CLDN34: variants seen among roughly 807,000 people sequenced by gnomAD.
CLDN34 encodes the protein claudin-34.
For missense variants in CLDN34, 166 were observed against 171.5 expected (o/e 0.97, Z 0.18); for synonymous variants, 71 against 65.0 (o/e 1.09, Z -0.45).
chrX:9,968,077 C>G lies in CLDN34; in HGVS notation c.*75C>G. 2 of 977,115 alleles carry G rather than the reference C, an allele frequency of 2.0e-6. No individual in the cohort carries two copies. The highest frequency in any genetic ancestry group is 2.8e-6 in the Non-Finnish European group (2 of 710,226). The allele number at this position is 977,115 out of a possible 1,213,427, so 80.5% of individuals were successfully genotyped here. ...GGAAAATGTTATTAGCATGCTCTAC[C>G]AAATATTTCCAACGACTCAAGACCG... On this transcript the variant is annotated 3_prime_UTR_variant, in exon 1 of 1. Coordinates refer to ENST00000445307, the MANE Select transcript of CLDN34 (RefSeq NM_001195081.2).
rs1056156338 is a variant in CLDN34 at position 9,967,619 on chromosome X, A to G, written c.262A>G (p.Met88Val). The G allele has an allele frequency of 5.5e-5, 64 of 1,154,470 alleles. No homozygotes were observed. Among genetic ancestry groups the G allele is most frequent in the Non-Finnish European group, 7.3e-5 (64 of 872,791 alleles). Residue 88 changes from methionine to valine, a missense_variant, in exon 1 of 1, where the codon ATG becomes GTG. By Grantham distance (21) the Met-to-Val change is conservative. Coordinates refer to ENST00000445307, the MANE Select transcript of CLDN34 (RefSeq NM_001195081.2). ...CACCTTTCTCCCTTTTGAAATTTCC[A>G]TGGCTCAACGCTTCCTACTGACTGC... ...QDTFLPFEIS[M>V]AQRFLLTASI... is the part of the protein sequence containing the mutation.
chrX:9,968,077 C>A lies in CLDN34; in HGVS notation c.*75C>A. Reference sequence around the variant, plus strand: ...GGAAAATGTTATTAGCATGCTCTACCAAATATTTCCAACGACTCAAGACCG... The same window carrying A: ...GGAAAATGTTATTAGCATGCTCTACAAAATATTTCCAACGACTCAAGACCG... On this transcript the variant is annotated 3_prime_UTR_variant, in exon 1 of 1. Transcript: ENST00000445307. 1 of 977,103 alleles carries A rather than the reference C, an allele frequency of 1.0e-6. No homozygotes were observed. Among genetic ancestry groups the A allele is most frequent in the Non-Finnish European group, 1.4e-6 (1 of 710,216 alleles). 80.5% of individuals were successfully genotyped at this position (977,103 alleles called of 1,213,427 possible).
Position 9,968,169 on chromosome X carries a change from T to A in CLDN34, c.*167T>A. 1.9e-6 allele frequency: 1 copy of A among 518,219 alleles called. No individual in the cohort carries two copies. Among genetic ancestry groups the A allele is most frequent in the Non-Finnish European group, 3.4e-6 (1 of 293,139 alleles). 42.7% of individuals were successfully genotyped at this position (518,219 alleles called of 1,213,427 possible). On this transcript the variant is annotated 3_prime_UTR_variant, in exon 1 of 1. Coordinates refer to ENST00000445307, the MANE Select transcript of CLDN34 (RefSeq NM_001195081.2). The stretch of plus-strand genomic sequence containing the variant: ...TTCTGTTATCTTGTGTATCTGAATG[T>A]GGCTCACTGATTTGTTGGTTGAATT...
Position 9,967,672 on chromosome X carries a change from C to G in CLDN34, c.315C>G (p.Ala105=). The change falls in exon 1 of 1, where the codon GCC becomes GCG. Residue 105 remains alanine (A), a synonymous_variant. Coordinates refer to ENST00000445307, the MANE Select transcript of CLDN34 (RefSeq NM_001195081.2). ...GCATTTTCGGATTCTTCGGGAGAGCCTTTAACATGTTTGCACTTAGAAACA... is the reference window on the plus strand; with the variant it reads ...GCATTTTCGGATTCTTCGGGAGAGCGTTTAACATGTTTGCACTTAGAAACA... The part of the protein sequence containing the change: ...TASIFGFFGR[A]FNMFALRNMS... The G allele has an allele frequency of 8.7e-7, 1 of 1,155,435 alleles. No individual in the cohort carries two copies. Among genetic ancestry groups the G allele is most frequent in the South Asian group, 1.9e-5 (1 of 52,739 alleles).
Position 9,967,980 on chromosome X carries a change from A to T in CLDN34, c.623A>T (p.His208Leu). The part of the protein sequence containing the change: ...FYKCPPYGQV[H>L]PGISEM ...AAATGTCCCCCGTACGGCCAAGTGC[A>T]TCCTGGTATTTCAGAAATGTGAATT... Residue 208 changes from histidine (H) to leucine (L), a missense_variant, in exon 1 of 1, where the codon CAT (histidine) becomes CTT (leucine). Transcript: ENST00000445307. The T allele has an allele frequency of 8.7e-7, 1 of 1,155,117 alleles. No homozygotes were observed. Among genetic ancestry groups the T allele is most frequent in the Non-Finnish European group, 1.1e-6 (1 of 872,100 alleles).
Position 9,967,670 on chromosome X carries a change from G to T in CLDN34, c.313G>T (p.Ala105Ser). 1 of 1,155,544 alleles carries T rather than the reference G, an allele frequency of 8.7e-7. No individual in the cohort carries two copies. The highest frequency in any genetic ancestry group is 1.1e-6 in the Non-Finnish European group (1 of 872,381). ...CAGCATTTTCGGATTCTTCGGGAGA[G>T]CCTTTAACATGTTTGCACTTAGAAA... ...TASIFGFFGR[A>S]FNMFALRNMS... The change falls in exon 1 of 1, where the codon GCC becomes TCC. Residue 105 changes from alanine (A) to serine (S), a missense_variant. Ala to Ser is a moderately conservative substitution (Grantham distance 99, BLOSUM62 1). Coordinates refer to ENST00000445307, the MANE Select transcript of CLDN34 (RefSeq NM_001195081.2).
rs966451229 is a variant in CLDN34 at position 9,967,496 on chromosome X, C to G, written c.139C>G (p.Pro47Ala). The change falls in exon 1 of 1, where the codon CCT (proline) becomes GCT (alanine). Residue 47 changes from proline to alanine, a missense_variant. Pro to Ala is a conservative substitution (Grantham distance 27). Transcript: ENST00000445307. ...CATGAAAGACACCTCGCTCTACCCC[C>G]CTGGAATCGCCTGCGTGGGAATATT... The part of the protein sequence containing the change: ...WYMKDTSLYP[P>A]GIACVGIFRV... 8.7e-6 allele frequency: 10 copies of G among 1,153,462 alleles called. No individual in the cohort carries two copies. The African/African-American group carries it at 1.4e-4, about 17-fold the overall frequency.
chrX:9,967,415 A>G lies in CLDN34; in HGVS notation c.58A>G (p.Ile20Val). 8.7e-7 allele frequency: 1 copy of G among 1,155,132 alleles called. No individual in the cohort carries two copies. Among genetic ancestry groups the G allele is most frequent in the Non-Finnish European group, 1.1e-6 (1 of 872,426 alleles). The change falls in exon 1 of 1, where the codon ATA (isoleucine) becomes GTA (valine). Residue 20 changes from isoleucine (I) to valine (V), a missense_variant. Ile to Val is a conservative substitution (Grantham distance 29). Coordinates refer to ENST00000445307, the MANE Select transcript of CLDN34 (RefSeq NM_001195081.2). ...CQFSVFALTTIGWILSSTSTG... is the reference protein window; with the variant it reads ...CQFSVFALTTVGWILSSTSTG... Reference sequence around the variant, plus strand: ...ATTTTCAGTCTTCGCCCTTACCACCATAGGATGGATCCTCTCCTCTACGTC... The same window carrying G: ...ATTTTCAGTCTTCGCCCTTACCACCGTAGGATGGATCCTCTCCTCTACGTC...
rs2084911838 is a variant in CLDN34, at chrX:9,967,597, C to A, written c.240C>A (p.Thr80=). Residue 80 remains threonine (T), a synonymous_variant, in exon 1 of 1, where the codon ACC becomes ACA. Transcript: ENST00000445307. ...GTTACCGATACAGCTACCAGGACAC[C>A]TTTCTCCCTTTTGAAATTTCCATGG... The part of the protein sequence containing the change: ...KFCYRYSYQD[T]FLPFEISMAQ... 5 of 1,154,422 alleles carry A rather than the reference C, an allele frequency of 4.3e-6. No homozygotes were observed. In the African/African-American group the frequency reaches 5.4e-5, roughly 12 times the overall value.
Position 9,967,370 on chromosome X carries a change from T to G in CLDN34, c.13T>G (p.Cys5Gly), listed in dbSNP as rs753096937. 200 of 1,150,247 alleles carry G rather than the reference T, an allele frequency of 1.7e-4. No homozygotes were observed. The highest frequency in any genetic ancestry group is 2.2e-4 in the Non-Finnish European group (193 of 869,715). The allele number at this position is 1,150,247 out of a possible 1,213,427, so 94.8% of individuals were successfully genotyped here. A position where few individuals can be genotyped will look rare whatever the true frequency, so the allele number is the denominator to read the frequency against. The change falls in exon 1 of 1, where the codon TGC becomes GGC. Residue 5 changes from cysteine (C) to glycine (G), a missense_variant. Cys to Gly is a radical substitution (Grantham distance 159). Coordinates refer to ENST00000445307, the MANE Select transcript of CLDN34 (RefSeq NM_001195081.2). MVWF[C>G]NSADCQFSVF... is the part of the protein sequence containing the mutation. ...GTGCGCTGCCACCATGGTCTGGTTC[T>G]GCAACAGTGCCGACTGCCAATTTTC...
Position 9,968,204 on chromosome X carries a change from T to C in CLDN34, c.*202T>C, listed in dbSNP as rs997460072. The C allele has an allele frequency of 2.0e-5, 10 of 488,349 alleles. No homozygotes were observed. In the Admixed American group the frequency reaches 2.6e-4, roughly 13 times the overall value. The allele number at this position is 488,349 out of a possible 1,213,427, so 40.2% of individuals were successfully genotyped here. On this transcript the variant is annotated 3_prime_UTR_variant, in exon 1 of 1. Transcript: ENST00000445307. ...ATTTGTTGGTTGAATTGAGAACTTT[T>C]ATTTAAAAGTCTTCCCACCTGCCAG...
Position 9,968,065 on chromosome X carries a change from A to G in CLDN34, c.*63A>G, listed in dbSNP as rs1253012431. On this transcript the variant is annotated 3_prime_UTR_variant, in exon 1 of 1. Coordinates refer to ENST00000445307, the MANE Select transcript of CLDN34 (RefSeq NM_001195081.2). ...CTGGGAGTTTATGGAAAATGTTATTAGCATGCTCTACCAAATATTTCCAAC... is the reference window on the plus strand; with the variant it reads ...CTGGGAGTTTATGGAAAATGTTATTGGCATGCTCTACCAAATATTTCCAAC... 3 of 1,038,862 alleles carry G rather than the reference A, an allele frequency of 2.9e-6. No individual in the cohort carries two copies. The highest frequency in any genetic ancestry group is 3.9e-6 in the Non-Finnish European group (3 of 766,232). The allele number at this position is 1,038,862 out of a possible 1,213,427, so 85.6% of individuals were successfully genotyped here.
At position 9,967,371 on chromosome X, in the gene CLDN34, G is replaced by T; in HGVS notation, c.14G>T (p.Cys5Phe). 1 of 1,152,079 alleles carries T rather than the reference G, an allele frequency of 8.7e-7. No individual in the cohort carries two copies. Among genetic ancestry groups the T allele is most frequent in the Non-Finnish European group, 1.1e-6 (1 of 869,997 alleles). 94.9% of individuals were successfully genotyped at this position (1,152,079 alleles called of 1,213,427 possible). A position where few individuals can be genotyped will look rare whatever the true frequency, so the allele number is the denominator to read the frequency against. Residue 5 changes from cysteine to phenylalanine, a missense_variant, in exon 1 of 1, where the codon TGC becomes TTC. Cys to Phe is a radical substitution (Grantham distance 205, BLOSUM62 -2). Transcript: ENST00000445307. MVWF[C>F]NSADCQFSVF... ...TGCGCTGCCACCATGGTCTGGTTCTGCAACAGTGCCGACTGCCAATTTTCA... is the reference window on the plus strand; with the variant it reads ...TGCGCTGCCACCATGGTCTGGTTCTTCAACAGTGCCGACTGCCAATTTTCA...
At position 9,967,563 on chromosome X, in the gene CLDN34, C is replaced by T; in HGVS notation, c.206C>T (p.Thr69Ile). 2.6e-6 allele frequency: 3 copies of T among 1,155,875 alleles called. No homozygotes were observed. Among genetic ancestry groups the T allele is most frequent in the Non-Finnish European group, 3.4e-6 (3 of 872,715 alleles). The change falls in exon 1 of 1, where the codon ACC (threonine) becomes ATC (isoleucine). Residue 69 changes from threonine (T) to isoleucine (I), a missense_variant. Physicochemically the swap from Thr to Ile is moderately conservative, Grantham distance 89. Coordinates refer to ENST00000445307, the MANE Select transcript of CLDN34 (RefSeq NM_001195081.2). ...IYRRRTNSTT[T>I]KFCYRYSYQD... ...CGGCGTCGCACCAACAGCACCACAA[C>T]CAAATTTTGTTACCGATACAGCTAC...
rs760860191 is a variant in CLDN34 at position 9,967,548 on chromosome X, C to G, written c.191C>G (p.Thr64Ser). ...AGAGTCTGCATTTACCGGCGTCGCA[C>G]CAACAGCACCACAACCAAATTTTGT... ...IFRVCIYRRR[T>S]NSTTTKFCYR... Residue 64 changes from threonine (T) to serine (S), a missense_variant, in exon 1 of 1, where the codon ACC becomes AGC. Coordinates refer to ENST00000445307, the MANE Select transcript of CLDN34 (RefSeq NM_001195081.2). 118 of 1,153,668 alleles carry G rather than the reference C, an allele frequency of 1.0e-4. No homozygotes were observed. The highest frequency in any genetic ancestry group is 1.3e-4 in the Non-Finnish European group (116 of 872,328).
chrX:9,967,541 C>T lies in CLDN34; in HGVS notation c.184C>T (p.Arg62Cys), dbSNP rs2084911571. 1.7e-6 allele frequency: 2 copies of T among 1,155,592 alleles called. No individual in the cohort carries two copies. Among genetic ancestry groups the T allele is most frequent in the Non-Finnish European group, 2.3e-6 (2 of 872,612 alleles). ...AATATTTAGAGTCTGCATTTACCGG[C>T]GTCGCACCAACAGCACCACAACCAA... ...VGIFRVCIYR[R>C]RTNSTTTKFC... Residue 62 changes from arginine to cysteine, a missense_variant, in exon 1 of 1, where the codon CGT (arginine) becomes TGT (cysteine). Transcript: ENST00000445307.
At position 9,967,803 on chromosome X, in the gene CLDN34, AC is replaced by A. The variant is rs1438901955; in HGVS notation, c.447del (p.Tyr149Ter). On this transcript the variant is annotated frameshift_variant, in exon 1 of 1. Coordinates refer to ENST00000445307, the MANE Select transcript of CLDN34 (RefSeq NM_001195081.2). LOFTEE classifies it low-confidence loss of function (END_TRUNC). ...VFNLIAVLQN[Y>X]DAVINSQGIT... ...AACTTAATTGCTGTGCTCCAGAACT[AC>A]GATGCCGTCATAAACTCACAGGGGA... is the stretch of plus-strand genomic sequence containing the variant. 2.6e-6 allele frequency: 3 copies of A among 1,153,362 alleles called. No individual in the cohort carries two copies. Among genetic ancestry groups the A allele is most frequent in the African/African-American group, 3.6e-5 (2 of 55,603 alleles).
At position 9,967,643 on chromosome X, in the gene CLDN34, G is replaced by A. The variant is rs894875929; in HGVS notation, c.286G>A (p.Ala96Thr). Residue 96 changes from alanine to threonine, a missense_variant, in exon 1 of 1, where the codon GCC becomes ACC. Transcript: ENST00000445307. Reference protein sequence around the residue: ...ISMAQRFLLTASIFGFFGRAF... With the variant: ...ISMAQRFLLTTSIFGFFGRAF... The stretch of plus-strand genomic sequence containing the variant: ...CATGGCTCAACGCTTCCTACTGACT[G>A]CCAGCATTTTCGGATTCTTCGGGAG... 1.7e-6 allele frequency: 2 copies of A among 1,156,107 alleles called. No individual in the cohort carries two copies. Among genetic ancestry groups the A allele is most frequent in the Non-Finnish European group, 2.3e-6 (2 of 872,953 alleles).
In CLDN34 at chrX:9,968,270, A is replaced by G; in HGVS notation, c.*268A>G. 1 of 403,535 alleles carries G rather than the reference A, an allele frequency of 2.5e-6. No individual in the cohort carries two copies. The highest frequency in any genetic ancestry group is 4.4e-6 in the Non-Finnish European group (1 of 227,505). The allele number at this position is 403,535 out of a possible 1,213,427, so 33.3% of individuals were successfully genotyped here. On this transcript the variant is annotated 3_prime_UTR_variant, in exon 1 of 1. Transcript: ENST00000445307. Reference sequence around the variant, plus strand: ...CTGAATTTTAATTATTGTTGGCTACAGCAAATAATCAACCCTGTAAACTAA... The same window carrying G: ...CTGAATTTTAATTATTGTTGGCTACGGCAAATAATCAACCCTGTAAACTAA...
Sources: gnomAD v4.1 joint callset for allele counts on GRCh38, gnomAD v4.1.1 for gene constraint, MANE v1.5 for transcripts, NCBI Gene and HGNC (gene_info 2026-07-23, HGNC 2026-07-21) for gene names.